Variants in CABIN1 observed in about 807,000 individuals in gnomAD.
The protein encoded by CABIN1 is calcineurin binding protein 1, also known as calcineurin-binding protein cabin-1.
A neutral mutation model predicts 227.7 loss-of-function variants in CABIN1; 133 were observed. The ratio of observed to expected loss-of-function variants is 0.58; its 90% CI spans 0.51 to 0.67. The LOEUF is 0.67. Ranked by LOEUF, CABIN1 falls within the 30% of genes least tolerant of loss-of-function variation. The probability of loss-of-function intolerance (pLI) is 0.00; values close to 1 mark genes in which losing one functional copy is unlikely to be tolerated. For missense variants in CABIN1, 2,408 were observed against 2,852.5 expected (o/e 0.84, Z 3.55); for synonymous variants, 1,086 against 1,155.1 (o/e 0.94, Z 1.21).
intron 1 of CABIN1, among the ~76,000 whole-genome samples, chr22:24,020,468 T>C (rs2035641701): frequency 1.3e-5 from 2 of 152,042 alleles, no homozygotes; most frequent in Admixed American, 1.3e-4. Flanking sequence ...ATTACAGGCA[T>C]GTGCCACTAT....
chr22:24,011,583 A>AG (rs2034814775), intron 1 of CABIN1: 2 of 152,362 alleles, frequency 1.3e-5, no homozygotes, highest in South Asian at 2.1e-4. Context: ...CGCCGCCCTG[A>AG]GGTGCCTAGA....
At chr22:24,134,253 C>A (rs1445478723) in intron 28 of CABIN1, 49 bp from the exon 29 acceptor site, 4 of 1,434,842 alleles carry the variant, frequency 2.8e-6, no homozygotes, top group African/African-American at 1.4e-5. Context: ...CCTGTGGGCG[C>A]CCTGAGCAGC....
chr22:24,127,681 G>A (rs1332623393), intron 28 of CABIN1, among the ~76,000 whole-genome samples: 1 of 152,204 alleles, frequency 6.6e-6, no homozygotes, highest in Non-Finnish European at 1.5e-5. Context: ...CCCAGGACCT[G>A]TGGGGTGTGA....
intron 1 of CABIN1, among the ~76,000 whole-genome samples, chr22:24,015,039 A>G (rs2035142211): frequency 1.3e-5 from 2 of 151,950 alleles, no homozygotes; most frequent in South Asian, 4.1e-4. Context: ...TGAGGTGGGC[A>G]GATTGCCTGA....
At chr22:24,126,835 C>T (rs922721675) in intron 28 of CABIN1, among the ~76,000 whole-genome samples, 1 of 152,044 alleles carries the variant, frequency 6.6e-6, no homozygotes, top group African/African-American at 2.4e-5. Flanking sequence ...CCCGTCTCAA[C>T]TAAAAGTACA....
intron 29 of CABIN1, among the ~76,000 whole-genome samples, chr22:24,136,163 T>C (rs753981015): frequency 2.7e-4 from 41 of 152,172 alleles, no homozygotes; most frequent in Non-Finnish European, 4.1e-4. Context: ...ATTTACAAGC[T>C]AGTGCACATA....
chr22:24,165,416 C>G, intron 30 of CABIN1, 114 bp from the exon 31 acceptor site: 1 of 968,214 alleles, frequency 1.0e-6, no homozygotes, highest in African/African-American at 1.6e-5. Flanking sequence ...AGGTGGAACA[C>G]TGAGGAACAA....
chr22:24,042,937 T>A lies in CABIN1; in HGVS notation c.379T>A (p.Trp127Arg), dbSNP rs1275147640. ...VMLDSTDVNLWYKIGHVALRL... is the reference protein window; with the variant it reads ...VMLDSTDVNLRYKIGHVALRL... ...GCTGGACTCCACAGATGTCAACCTC[T>A]GGTATAAGATTGGACATGTGGCCCT... is the stretch of plus-strand genomic sequence containing the variant. The change falls in exon 6 of 37, where the codon TGG becomes AGG. Residue 127 changes from tryptophan to arginine, a missense_variant. Coordinates refer to ENST00000263119, the MANE Select transcript of CABIN1 (RefSeq NM_012295.4). 1 of 1,610,954 alleles carries A rather than the reference T, an allele frequency of 6.2e-7. No individual in the cohort carries two copies. The highest frequency in any genetic ancestry group is 8.5e-7 in the Non-Finnish European group (1 of 1,178,596).
intron 1 of CABIN1, among the ~76,000 whole-genome samples, chr22:24,032,047 T>C (rs2036536952): frequency 6.6e-6 from 1 of 152,234 alleles, no homozygotes; most frequent in Non-Finnish European, 1.5e-5. Flanking sequence ...AGTGGCATTA[T>C]GTACATTCAC....
At chr22:24,133,953 G>A (rs2044230528) in intron 28 of CABIN1, among the ~76,000 whole-genome samples, 1 of 152,242 alleles carries the variant, frequency 6.6e-6, no homozygotes, top group African/African-American at 2.4e-5. Context: ...AGTCAGGGCT[G>A]CTATTTGGGC....
At chr22:24,168,381 G>A in intron 32 of CABIN1, 66 bp from the exon 33 acceptor site, 1 of 1,487,334 alleles carries the variant, frequency 6.7e-7, no homozygotes, top group Non-Finnish European at 9.2e-7. Context: ...TACATACACA[G>A]ACAGGGCTGG....
At chr22:24,140,176 G>A (rs2044667646) in intron 29 of CABIN1, among the ~76,000 whole-genome samples, 1 of 152,198 alleles carries the variant, frequency 6.6e-6, no homozygotes, top group Admixed American at 6.5e-5. Context: ...GAATGGGATG[G>A]GTGCTAAGGA....
intron 26 of CABIN1, among the ~76,000 whole-genome samples, chr22:24,099,772 C>T (rs951651099): frequency 2.0e-5 from 3 of 152,318 alleles, no homozygotes; most frequent in East Asian, 3.9e-4. Flanking sequence ...GCCATGTGGC[C>T]GTGCTCACAT....
chr22:24,108,614 T>G (rs565010092), intron 26 of CABIN1, among the ~76,000 whole-genome samples: 2 of 152,338 alleles, frequency 1.3e-5, no homozygotes, highest in East Asian at 3.9e-4. Context: ...TCCTGGGCAG[T>G]GGACATGGCA....
At chr22:24,136,524 A>ATTTTTTTTTTTGTTTTTTTTTTTTTT (rs2044416950) in intron 29 of CABIN1, among the ~76,000 whole-genome samples, 1 of 69,894 alleles carries the variant, frequency 1.4e-5, no homozygotes. Context: ...TAATTTTTGT[A>ATTTTTTTTTTTGTTTTTTTTTTTTTT]TTTTTTTTTT....
rs1456504640 is a variant in CABIN1, at chr22:24,071,066, C to T, written c.2475+24C>T. 4.3e-6 allele frequency: 7 copies of T among 1,614,094 alleles called. No homozygotes were observed. In the Admixed American group the frequency reaches 5.0e-5, roughly 12 times the overall value. ...AGGTAACCCCTGGCTCCTTCTCACCCTGCCCTGCCCCAGCAGGTATGTCTC... is the reference window on the plus strand; with the variant it reads ...AGGTAACCCCTGGCTCCTTCTCACCTTGCCCTGCCCCAGCAGGTATGTCTC... On this transcript the variant is annotated intron_variant, in intron 17 of 36. Coordinates refer to ENST00000263119, the MANE Select transcript of CABIN1 (RefSeq NM_012295.4).
intron 1 of CABIN1, among the ~76,000 whole-genome samples, chr22:24,013,893 G>C (rs1239716508): frequency 3.9e-5 from 6 of 152,122 alleles, no homozygotes; most frequent in African/African-American, 1.4e-4. Context: ...ATTGGGGTGA[G>C]ATTATGCATT....
At chr22:24,119,818 G>A (rs1266422395) in intron 28 of CABIN1, 120 bp downstream of exon 28, 1 of 1,029,404 alleles carries the variant, frequency 9.7e-7, no homozygotes, top group African/African-American at 1.6e-5. Flanking sequence ...TGGGAGGGAT[G>A]GGCGAGGAGA....
chr22:24,064,107 G>T lies in CABIN1; in HGVS notation c.1957G>T (p.Val653Leu). 6.2e-7 allele frequency: 1 copy of T among 1,614,178 alleles called. No homozygotes were observed. Among genetic ancestry groups the T allele is most frequent in the Non-Finnish European group, 8.5e-7 (1 of 1,180,010 alleles). The change falls in exon 15 of 37, where the codon GTG becomes TTG. Residue 653 changes from valine to leucine, a missense_variant. Coordinates refer to ENST00000263119, the MANE Select transcript of CABIN1 (RefSeq NM_012295.4). Reference sequence around the variant, plus strand: ...GCTCCAGAGTTCCACCGCCATCCAGGTGGAGGCAGGGGCTGAACGAAGAGA... The same window carrying T: ...GCTCCAGAGTTCCACCGCCATCCAGTTGGAGGCAGGGGCTGAACGAAGAGA... ...EMLQSSTAIQ[V>L]EAGAERRDIV...
Sources: gnomAD v4.1 joint callset for allele counts (sites outside exome capture counted in the v4.1 genomes callset) on GRCh38, gnomAD v4.1.1 for gene constraint, MANE v1.5 for transcripts, NCBI Gene and HGNC (gene_info 2026-07-23, HGNC 2026-07-21) for gene names.